The following FTCD variants were observed in gnomAD, a reference collection of about 807,000 sequenced individuals.
FTCD encodes formimidoyltransferase-cyclodeaminase.
In FTCD, 76 loss-of-function variants were observed where a neutral mutation model predicts 62.9. The observed-to-expected ratio is 1.21, with a 90% CI of 1.00 to 1.46. FTCD has a LOEUF of 1.46. FTCD is among the 40% of genes most tolerant of loss of function. FTCD has a pLI of 0.00. For missense variants in FTCD, 845 were observed against 751.3 expected (o/e 1.12, Z -1.46); for synonymous variants, 397 against 336.9 (o/e 1.18, Z -1.95).
At chr21:46,150,674 C>T in intron 5 of FTCD, 149 bp from the exon 6 acceptor site, 1 of 860,306 alleles carries the variant, frequency 1.2e-6, no homozygotes, top group Non-Finnish European at 1.9e-6. Context: ...CCTCACTGAG[C>T]TGGCCGGGGA....
chr21:46,136,552 G>C, downstream of FTCD: 1 of 1,598,612 alleles, frequency 6.3e-7, no homozygotes, highest in South Asian at 1.1e-5. Flanking sequence ...TCACAGCCCA[G>C]GGACCTGCAC....
chr21:46,137,537 G>T (rs1030266438), intron 12 of FTCD, among the ~76,000 whole-genome samples: 1 of 152,196 alleles, frequency 6.6e-6, no homozygotes, highest in African/African-American at 2.4e-5. Context: ...ATCCAAGCAG[G>T]GCTCAGCCCC....
chr21:46,150,093 G>T lies in FTCD; in HGVS notation c.906+26C>A, dbSNP rs576667429. The T allele has an allele frequency of 8.7e-6, 10 of 1,155,900 alleles. No homozygotes were observed. The Admixed American group carries it at 1.9e-4, about 22-fold the overall frequency. The allele number at this position is 1,155,900 out of a possible 1,614,324, so 71.6% of individuals were successfully genotyped here. Reference sequence around the variant, plus strand: ...CCACCCTCCCTGCACGCCCCTGTCCGACCCTTCCTCGGCAGCCCGGCCCAC... The same window carrying T: ...CCACCCTCCCTGCACGCCCCTGTCCTACCCTTCCTCGGCAGCCCGGCCCAC... On this transcript the variant is annotated intron_variant, in intron 7 of 13. Transcript: ENST00000397746.
intron 12 of FTCD, among the ~76,000 whole-genome samples, chr21:46,137,669 G>A (rs944491756): frequency 3.3e-5 from 5 of 152,002 alleles, no homozygotes; most frequent in African/African-American, 9.7e-5. Flanking sequence ...CTAACGGCCC[G>A]CCCACTGCCC....
intron 7 of FTCD, among the ~76,000 whole-genome samples, chr21:46,149,452 A>T (rs1288485352): frequency 6.6e-6 from 1 of 152,220 alleles, no homozygotes; most frequent in Non-Finnish European, 1.5e-5. Flanking sequence ...ATCAGTAAAA[A>T]CACAAACAGA....
chr21:46,140,751 A>C (rs2078983946), intron 10 of FTCD, among the ~76,000 whole-genome samples: 5 of 150,020 alleles, frequency 3.3e-5, no homozygotes, highest in South Asian at 2.1e-4. Context: ...AGCGTAAACC[A>C]ACCCAGCACT....
chr21:46,137,739 G>C (rs183100224), intron 12 of FTCD, among the ~76,000 whole-genome samples: 2 of 152,138 alleles, frequency 1.3e-5, no homozygotes, highest in African/African-American at 4.8e-5. Context: ...GAAAAGAGGC[G>C]TCTTTCCTAT....
intron 12 of FTCD, among the ~76,000 whole-genome samples, chr21:46,137,804 TGA>T (rs1221850514): frequency 6.6e-6 from 1 of 151,472 alleles, no homozygotes; most frequent in East Asian, 2.0e-4. Context: ...GCTGAGCCCA[TGA>T]GAGAGACGCT....
At chr21:46,149,097 C>T (rs1482552312) in intron 7 of FTCD, among the ~76,000 whole-genome samples, 1 of 152,098 alleles carries the variant, frequency 6.6e-6, no homozygotes, top group African/African-American at 2.4e-5. Flanking sequence ...AAAATGCAAG[C>T]ACTTGGAAAA....
At chr21:46,152,620 C>T (rs1009850494) in intron 3 of FTCD, 1 of 348,338 alleles carries the variant, frequency 2.9e-6, no homozygotes, top group South Asian at 9.3e-5. Context: ...TAGTTAATTT[C>T]CCAAAGTGAA....
At chr21:46,139,014 A>G in intron 10 of FTCD, 91 bp from the exon 11 acceptor site, 1 of 985,320 alleles carries the variant, frequency 1.0e-6, no homozygotes. Context: ...AGCAAGGAGC[A>G]TGTCCCAGGC....
chr21:46,136,597 C>A, downstream of FTCD: 1 of 1,533,358 alleles, frequency 6.5e-7, no homozygotes, highest in East Asian at 2.4e-5. Context: ...TGTGACCCTG[C>A]CCACTGTGGG....
At chr21:46,151,411 C>T (rs1242606023) in intron 5 of FTCD, 147 bp downstream of exon 5, 12 of 746,972 alleles carry the variant, frequency 1.6e-5, no homozygotes, top group Middle Eastern at 3.8e-4. Context: ...GGTGTGGACG[C>T]GGAGGCTGGG....
chr21:46,151,773 C>T, intron 4 of FTCD, 36 bp from the exon 5 acceptor site: 1 of 1,610,372 alleles, frequency 6.2e-7, no homozygotes, highest in East Asian at 2.2e-5. Flanking sequence ...AGACATCCCC[C>T]ACGGGAGGGA....
intron 7 of FTCD, among the ~76,000 whole-genome samples, chr21:46,147,418 T>C (rs2079171775): frequency 6.6e-6 from 1 of 151,956 alleles, no homozygotes; most frequent in Non-Finnish European, 1.5e-5. Flanking sequence ...CTTCAGGGGG[T>C]CCTGTGAGGC....
In FTCD at chr21:46,138,638, G is replaced by T; in HGVS notation, c.1313C>A (p.Ala438Glu). 2 of 1,594,140 alleles carry T rather than the reference G, an allele frequency of 1.3e-6. No homozygotes were observed. The highest frequency in any genetic ancestry group is 1.7e-6 in the Non-Finnish European group (2 of 1,177,072). ...CCGCCTCAGACCCTCCTGTAGGGCCGCCGTGCGCCTGAAAGGAGCAAGAGG... is the reference window on the plus strand; with the variant it reads ...CCGCCTCAGACCCTCCTGTAGGGCCTCCGTGCGCCTGAAAGGAGCAAGAGG... ...NTPEEKDRRT[A>E]ALQEGLRRAV... Residue 438 changes from alanine to glutamate, a missense_variant, in exon 12 of 14, where the codon GCG becomes GAG. By Grantham distance (107) the Ala-to-Glu change is moderately radical. Coordinates refer to ENST00000397746, the MANE Select transcript of FTCD (RefSeq NM_206965.2).
chr21:46,152,108 G>T, intron 3 of FTCD, 128 bp from the exon 4 acceptor site: 1 of 660,300 alleles, frequency 1.5e-6, no homozygotes. Flanking sequence ...CCTCTCCTGG[G>T]GAGTGCCCGT....
Position 46,146,387 on chromosome 21 carries a change from C to T in FTCD, c.907-60G>A, listed in dbSNP as rs546594448. On this transcript the variant is annotated intron_variant, in intron 7 of 13. Coordinates refer to ENST00000397746, the MANE Select transcript of FTCD (RefSeq NM_206965.2). ...CGCGTCTCCACCACCAGGAAAGCCT[C>T]GGAACCCGCGGGTCCCACCCTTGCG... is the stretch of plus-strand genomic sequence containing the variant. The T allele has an allele frequency of 1.5e-5, 17 of 1,169,336 alleles. 1 individual carries two copies. Among genetic ancestry groups the T allele is most frequent in the South Asian group, 6.5e-5 (5 of 76,708 alleles). The allele number at this position is 1,169,336 out of a possible 1,614,324, so 72.4% of individuals were successfully genotyped here.
At chr21:46,151,794 G>A (rs544221637) in intron 4 of FTCD, 57 bp from the exon 5 acceptor site, 24 of 1,599,252 alleles carry the variant, frequency 1.5e-5, no homozygotes, top group Admixed American at 8.5e-5. Context: ...ACAGCCCCCC[G>A]GGGTCCCGGG....
Sources: allele counts gnomAD v4.1 joint callset (sites outside exome capture counted in the v4.1 genomes callset), GRCh38; gene constraint gnomAD v4.1.1; transcripts MANE v1.5; gene names NCBI Gene and HGNC (gene_info 2026-07-23, HGNC 2026-07-21).